PPP2R3B: variants seen among roughly 807,000 people sequenced by gnomAD.
PPP2R3B encodes serine/threonine-protein phosphatase 2A regulatory subunit B'' subunit beta.
Under a neutral mutation model 72.9 loss-of-function variants are expected in PPP2R3B, and 68 were observed. The observed-to-expected ratio is 0.93, with a 90% confidence interval of 0.77 to 1.14. The LOEUF is 1.14. PPP2R3B is among the 50% of genes most tolerant of loss of function. PPP2R3B has a pLI of 0.00. For missense variants in PPP2R3B, 1,018 were observed against 842.0 expected (o/e 1.21, Z -2.59); for synonymous variants, 466 against 375.8 (o/e 1.24, Z -2.78).
intron 1 of PPP2R3B, among the ~76,000 whole-genome samples, chrX:364,521 C>CAAAAAAAAAAAAAAAAA (rs1177610760): frequency 3.5e-5 from 3 of 86,932 alleles, no homozygotes; most frequent in Non-Finnish European, 4.4e-5. Flanking sequence ...AAAAAAAAAA[C>CAAAAAAAAAAAAAAAAA]AAAAAAAAAA....
intron 2 of PPP2R3B, among the ~76,000 whole-genome samples, chrX:358,573 C>T (rs2071480638): frequency 6.6e-6 from 1 of 152,214 alleles, no homozygotes; most frequent in African/African-American, 2.4e-5. Context: ...TCTGGGGCGT[C>T]GAAGACAACG....
chrX:341,078 C>T, intron 9 of PPP2R3B, 138 bp from the exon 10 acceptor site: 2 of 1,303,748 alleles, frequency 1.5e-6, no homozygotes, highest in Admixed American at 2.3e-5. Flanking sequence ...CAGGCATCCC[C>T]TGCCCCCTGC....
chrX:374,682 G>A (rs748408540), intron 1 of PPP2R3B, among the ~76,000 whole-genome samples: 2 of 152,176 alleles, frequency 1.3e-5, no homozygotes, highest in African/African-American at 2.4e-5. Context: ...AAAGCCTCCC[G>A]GGTCCCCGAT....
At chrX:384,408 T>C (rs1443691550) in intron 1 of PPP2R3B, among the ~76,000 whole-genome samples, 3 of 151,632 alleles carry the variant, frequency 2.0e-5, no homozygotes, top group African/African-American at 7.3e-5. Flanking sequence ...GCATTTCTCC[T>C]GCCTCAGCCT....
In PPP2R3B at chrX:363,760, G is replaced by T. The variant is rs1179882602; in HGVS notation, c.325-2170C>A. Among the ~76,000 whole-genome samples the T allele has an allele frequency of 1.3e-4, 20 of 151,620 alleles. No homozygotes were observed. The East Asian group carries it at 3.9e-3, about 29-fold the overall frequency. On this transcript the variant is annotated intron_variant, in intron 1 of 12. Transcript: ENST00000390665. ...CGGCGCCTTCCCGTCTCTCGCTGTG[G>T]GGGTCCCACTGTGGAGCCTGCGGCT...
At chrX:338,978 A>AG (rs2070976054) in intron 10 of PPP2R3B, 82 bp from the exon 11 acceptor site, 3 of 1,155,112 alleles carry the variant, frequency 2.6e-6, no homozygotes, top group Non-Finnish European at 3.9e-6. Flanking sequence ...GCGTCCTGTC[A>AG]CACGTGCTTA....
At chrX:346,141 G>C (rs1163554513) in intron 6 of PPP2R3B, 33 bp downstream of exon 6, 5 of 1,435,310 alleles carry the variant, frequency 3.5e-6, no homozygotes, top group South Asian at 1.2e-5. Flanking sequence ...TAGGGACAAG[G>C]CAGGGGGCAG....
chrX:382,220 A>G (rs1218648143), intron 1 of PPP2R3B, among the ~76,000 whole-genome samples: 5 of 141,072 alleles, frequency 3.5e-5, no homozygotes, highest in Non-Finnish European at 6.1e-5. Context: ...TTTGAGACAG[A>G]GTGTCTCACT....
Position 338,768 on chromosome X carries a change from C to T in PPP2R3B, c.1470+10G>A. On this transcript the variant is annotated intron_variant, in intron 11 of 12. Transcript: ENST00000390665. The stretch of plus-strand genomic sequence containing the variant: ...TGGCGCGGCCCGGCCCGCGTGCCCG[C>T]CGCACTCACCCTGAGCAGGGAGATC... The T allele has an allele frequency of 1.2e-6, 2 of 1,612,242 alleles. No individual in the cohort carries two copies. The highest frequency in any genetic ancestry group is 1.7e-6 in the Non-Finnish European group (2 of 1,179,598).
At chrX:383,876 A>G (rs1329537190) in intron 1 of PPP2R3B, among the ~76,000 whole-genome samples, 1 of 150,422 alleles carries the variant, frequency 6.6e-6, no homozygotes, top group African/African-American at 2.4e-5. Context: ...AACCAAAAAA[A>G]CAAAAAAACA....
At chrX:367,365 G>A (rs776932762) in intron 1 of PPP2R3B, among the ~76,000 whole-genome samples, 38 of 150,852 alleles carry the variant, frequency 2.5e-4, no homozygotes, top group South Asian at 1.0e-3. Context: ...AGTGTGAGAC[G>A]GTTTGTGAGT....
intron 12 of PPP2R3B, chrX:338,193 G>A (rs953104115): frequency 1.2e-4 from 42 of 343,774 alleles, no homozygotes; most frequent in African/African-American, 7.9e-4. Flanking sequence ...ACCAGCCCAG[G>A]GCCTCTCAGG....
At chrX:358,747 C>T (rs1405265820) in intron 2 of PPP2R3B, among the ~76,000 whole-genome samples, 1 of 151,642 alleles carries the variant, frequency 6.6e-6, no homozygotes, top group Non-Finnish European at 1.5e-5. Flanking sequence ...TGACATGAAA[C>T]GCGCACATGA....
intron 7 of PPP2R3B, chrX:344,867 G>A (rs1300336367): frequency 6.3e-6 from 2 of 315,882 alleles, no homozygotes; most frequent in Non-Finnish European, 1.2e-5. Flanking sequence ...ATTATGAGTC[G>A]ACCACACACA....
chrX:379,231 ATGCACCTATGTGTGTGTG>A (rs2072068891), intron 1 of PPP2R3B, among the ~76,000 whole-genome samples: 1 of 132,358 alleles, frequency 7.6e-6, no homozygotes, highest in South Asian at 2.4e-4. Context: ...ACCTGTGTGT[ATGCACCTATGTGTGTGTG>A]TGTGTATGGA....
chrX:373,917 TCTC>T (rs1240254341), intron 1 of PPP2R3B: 6 of 153,376 alleles, frequency 3.9e-5, no homozygotes, highest in East Asian at 1.9e-4. Flanking sequence ...GCTGCTCTCC[TCTC>T]CTCCTTCTCC....
At chrX:340,498 G>A (rs1279945942) in intron 10 of PPP2R3B, among the ~76,000 whole-genome samples, 92 of 83,714 alleles carry the variant, frequency 1.1e-3, no homozygotes, top group African/African-American at 3.4e-3. Flanking sequence ...CCTCCCGTCC[G>A]TCCCCTCACC....
At position 354,497 on chromosome X, in the gene PPP2R3B, C is replaced by T. The variant is rs769539620; in HGVS notation, c.511-6804G>A. 1.5e-4 allele frequency among the ~76,000 whole-genome samples: 23 copies of T among 152,364 alleles called. No individual in the cohort carries two copies. The East Asian group carries it at 2.3e-3, about 15-fold the overall frequency. ...AAAACCTCACTGCCCTCTCAATACACGCAGAAATACACATTTAGCATCCCG... is the reference window on the plus strand; with the variant it reads ...AAAACCTCACTGCCCTCTCAATACATGCAGAAATACACATTTAGCATCCCG... On this transcript the variant is annotated intron_variant, in intron 2 of 12. Transcript: ENST00000390665.
rs185220721 is a variant in PPP2R3B, at chrX:354,826, C to T, written c.510+6579G>A. On this transcript the variant is annotated intron_variant, in intron 2 of 12. Coordinates refer to ENST00000390665, the MANE Select transcript of PPP2R3B (RefSeq NM_013239.5). ...GAGATCATGCCACTGCACTCCAGCCCGGGGGCAGAATGAGAACCTGTCTCA... is the reference window on the plus strand; with the variant it reads ...GAGATCATGCCACTGCACTCCAGCCTGGGGGCAGAATGAGAACCTGTCTCA... 6.0e-3 allele frequency among the ~76,000 whole-genome samples: 910 copies of T among 152,182 alleles called. 8 individuals carry two copies. Among genetic ancestry groups the T allele is most frequent in the African/African-American group, 0.021 (865 of 41,522 alleles).
Sources: allele counts gnomAD v4.1 joint callset (sites outside exome capture counted in the v4.1 genomes callset), GRCh38; gene constraint gnomAD v4.1.1; transcripts MANE v1.5; gene names NCBI Gene and HGNC (gene_info 2026-07-23, HGNC 2026-07-21).